XKR6: variants seen among roughly 807,000 people sequenced by gnomAD.
The protein encoded by XKR6 is XK related 6.
XKR6 carries 22 observed loss-of-function variants against 56.7 expected under a neutral mutation model. The observed-to-expected ratio is 0.39, with a 90% CI of 0.28 to 0.55. The LOEUF (loss-of-function observed/expected upper bound fraction) is 0.55, where lower values mean the gene tolerates loss of function less well. Ranked by LOEUF, XKR6 falls within the 20% of genes least tolerant of loss-of-function variation. The probability of loss-of-function intolerance (pLI) is 0.66; values close to 1 mark genes in which losing one functional copy is unlikely to be tolerated. For missense variants in XKR6, 852 were observed against 889.0 expected (o/e 0.96, Z 0.53); for synonymous variants, 524 against 387.8 (o/e 1.35, Z -4.13).
chr8:10,984,728 CTCTCTA>C (rs1316180475), intron 1 of XKR6, among the ~76,000 whole-genome samples: 269 of 66,846 alleles, frequency 4.0e-3, no homozygotes, highest in African/African-American at 0.013. Flanking sequence ...CTCTCTCTCT[CTCTCTA>C]TATATATATA....
intron 1 of XKR6, among the ~76,000 whole-genome samples, chr8:11,083,634 T>C (rs969697720): frequency 2.0e-5 from 3 of 152,296 alleles, no homozygotes; most frequent in East Asian, 1.9e-4. Flanking sequence ...AATGAGTTCA[T>C]AGAGAAAAAG....
chr8:11,132,767 G>GCA lies in XKR6; in HGVS notation c.764+67807_764+67808dup, dbSNP rs149748655. Among the ~76,000 whole-genome samples, 1,148 of 138,248 alleles carry GCA rather than the reference G, an allele frequency of 8.3e-3. 15 individuals carry two copies. Among genetic ancestry groups the GCA allele is most frequent in the East Asian group, 0.029 (144 of 4,912 alleles). 90.7% of individuals were successfully genotyped at this position (138,248 alleles called of 152,430 possible). A position where few individuals can be genotyped will look rare whatever the true frequency, so the allele number is the denominator to read the frequency against. On this transcript the variant is annotated intron_variant, in intron 1 of 2. Transcript: ENST00000416569. The stretch of plus-strand genomic sequence containing the variant: ...CCTTCATTCATACACACACACGCAC[G>GCA]CACACACACACACACACACGCACAT...
chr8:11,020,732 T>A (rs537171453), intron 1 of XKR6, among the ~76,000 whole-genome samples: 10 of 152,210 alleles, frequency 6.6e-5, no homozygotes, highest in Non-Finnish European at 1.5e-4. Context: ...GCCTTTTTCC[T>A]AATATGAGGG....
intron 1 of XKR6, among the ~76,000 whole-genome samples, chr8:10,948,018 G>A (rs1392415479): frequency 6.6e-6 from 1 of 152,144 alleles, no homozygotes; most frequent in African/African-American, 2.4e-5. Context: ...GGTGCAGGGT[G>A]GGTTAGGGGA....
chr8:11,128,229 T>C (rs1799926634), intron 1 of XKR6, among the ~76,000 whole-genome samples: 1 of 152,156 alleles, frequency 6.6e-6, no homozygotes, highest in South Asian at 2.1e-4. Flanking sequence ...TGGCCAGACC[T>C]TCGCACTCCC....
chr8:11,001,941 C>T (rs1269196106), intron 1 of XKR6, among the ~76,000 whole-genome samples: 1 of 152,170 alleles, frequency 6.6e-6, no homozygotes, highest in Non-Finnish European at 1.5e-5. Context: ...CGTTGCTCCC[C>T]ACAGCACTTC....
chr8:11,141,155 C>A (rs1800677529), intron 1 of XKR6, among the ~76,000 whole-genome samples: 1 of 152,164 alleles, frequency 6.6e-6, no homozygotes, highest in South Asian at 2.1e-4. Context: ...TAACTGTATT[C>A]AGTAGTCATA....
At chr8:11,173,515 G>T (rs1304288264) in intron 1 of XKR6, among the ~76,000 whole-genome samples, 1 of 151,914 alleles carries the variant, frequency 6.6e-6, no homozygotes, top group Non-Finnish European at 1.5e-5. Context: ...GACTAAACTG[G>T]AATCTCTTTA....
intron 1 of XKR6, among the ~76,000 whole-genome samples, chr8:11,093,688 T>C (rs913947096): frequency 3.9e-5 from 6 of 152,222 alleles, no homozygotes; most frequent in African/African-American, 7.2e-5. Flanking sequence ...AAGTCACGCC[T>C]ATCTTTCCCT....
intron 1 of XKR6, among the ~76,000 whole-genome samples, chr8:10,982,844 G>T (rs1586389329): frequency 6.6e-6 from 1 of 152,194 alleles, no homozygotes; most frequent in African/African-American, 2.4e-5. Flanking sequence ...CGCAGCCCCA[G>T]GGAGGCATGG....
At chr8:10,912,149 G>T (rs1020157802) in intron 2 of XKR6, among the ~76,000 whole-genome samples, 11 of 148,030 alleles carry the variant, frequency 7.4e-5, no homozygotes, top group African/African-American at 2.8e-4. Flanking sequence ...TGTATATATA[G>T]AGAGAGTATA....
At chr8:11,139,763 T>C (rs1316081658) in intron 1 of XKR6, among the ~76,000 whole-genome samples, 2 of 152,068 alleles carry the variant, frequency 1.3e-5, no homozygotes, top group African/African-American at 2.4e-5. Context: ...ATCTCCCAAG[T>C]CTCCTTCCAT....
At chr8:11,178,535 C>A (rs1802776271) in intron 1 of XKR6, among the ~76,000 whole-genome samples, 1 of 108,926 alleles carries the variant, frequency 9.2e-6, no homozygotes, top group Admixed American at 8.8e-5. Flanking sequence ...GTCCAAACAT[C>A]TGAGAGGTAA....
At chr8:11,169,480 T>C (rs1008415848) in intron 1 of XKR6, among the ~76,000 whole-genome samples, 1 of 152,184 alleles carries the variant, frequency 6.6e-6, no homozygotes, top group Non-Finnish European at 1.5e-5. Context: ...CTCTGATATA[T>C]GTTAGACCAT....
chr8:11,165,089 C>CTTT (rs1191354220), intron 1 of XKR6, among the ~76,000 whole-genome samples: 1 of 104,226 alleles, frequency 9.6e-6, no homozygotes, highest in African/African-American at 3.7e-5. Context: ...TAGGCTATCA[C>CTTT]CTTTTTTTTT....
intron 1 of XKR6, among the ~76,000 whole-genome samples, chr8:10,984,381 G>A (rs1037584615): frequency 2.6e-5 from 4 of 152,056 alleles, no homozygotes; most frequent in Non-Finnish European, 5.9e-5. Context: ...AACACTACAA[G>A]TTTCCTAGGA....
chr8:11,114,025 T>C, intron 1 of XKR6: 1 of 417,004 alleles, frequency 2.4e-6, no homozygotes, highest in South Asian at 1.7e-5. Flanking sequence ...GCTCACCTTC[T>C]AGTCAGAAAT....
chr8:11,162,536 T>C (rs1401674079), intron 1 of XKR6, among the ~76,000 whole-genome samples: 2 of 152,246 alleles, frequency 1.3e-5, no homozygotes, highest in Non-Finnish European at 2.9e-5. Flanking sequence ...TCAAATTTCA[T>C]TTAAAAGCAG....
intron 1 of XKR6, among the ~76,000 whole-genome samples, chr8:11,128,552 A>G (rs922709078): frequency 6.6e-5 from 10 of 152,208 alleles, no homozygotes; most frequent in African/African-American, 1.9e-4. Flanking sequence ...GCAGGAAAGC[A>G]GTTGTTTAGT....
Sources: allele counts gnomAD v4.1 joint callset (sites outside exome capture counted in the v4.1 genomes callset), GRCh38; gene constraint gnomAD v4.1.1; transcripts MANE v1.5; gene names NCBI Gene and HGNC (gene_info 2026-07-23, HGNC 2026-07-21).